The following TFG variants were observed in gnomAD, a reference collection of about 807,000 sequenced individuals.
The protein encoded by TFG is trafficking from ER to golgi regulator.
In TFG, 22 loss-of-function variants were observed where a neutral mutation model predicts 51.4. The observed-to-expected ratio is 0.43, with a 90% CI of 0.31 to 0.61. The LOEUF is 0.61. Among genes scored for constraint, TFG ranks in the 20% least tolerant of loss-of-function variants. The pLI is 0.12. For missense variants in TFG, 419 were observed against 487.7 expected (o/e 0.86, Z 1.33); for synonymous variants, 187 against 165.6 (o/e 1.13, Z -0.99).
At chr3:100,724,045 G>A (rs1161698021) in intron 3 of TFG, among the ~76,000 whole-genome samples, 1 of 151,954 alleles carries the variant, frequency 6.6e-6, no homozygotes. Context: ...AATAATAATG[G>A]GAATTATAAA....
intron 7 of TFG, among the ~76,000 whole-genome samples, chr3:100,745,673 G>C (rs1325064810): frequency 6.6e-6 from 1 of 152,154 alleles, no homozygotes; most frequent in African/African-American, 2.4e-5. Flanking sequence ...AATTTCAACT[G>C]TAATTAGAAA....
chr3:100,732,705 G>A (rs372931217), intron 5 of TFG, 33 bp downstream of exon 5: 90 of 1,531,674 alleles, frequency 5.9e-5, no homozygotes, highest in Middle Eastern at 3.5e-4. Flanking sequence ...TACACCCTTC[G>A]TTTCCTTCAT....
At position 100,748,255 on chromosome 3, in the gene TFG, A is replaced by G. The variant is rs1480523112; in HGVS notation, c.927A>G (p.Gln309=). The G allele has an allele frequency of 1.2e-6, 2 of 1,614,114 alleles. No homozygotes were observed. Among genetic ancestry groups the G allele is most frequent in the Admixed American group, 1.7e-5 (1 of 60,006 alleles). ...CTCCTGCCTTTTCTGGTCAGCCTCA[A>G]CAACTGCCTGCTCAGCCGCCACAGC... The part of the protein sequence containing the change: ...APAPAFSGQP[Q]QLPAQPPQQY... The change falls in exon 8 of 8, where the codon CAA becomes CAG. Residue 309 remains glutamine, a synonymous_variant. Transcript: ENST00000240851.
intron 5 of TFG, among the ~76,000 whole-genome samples, chr3:100,735,416 C>A (rs1360843522): frequency 1.3e-5 from 2 of 152,154 alleles, no homozygotes; most frequent in African/African-American, 4.8e-5. Flanking sequence ...TGTATAATTC[C>A]TTTTATAAGC....
chr3:100,728,650 ATAT>A, intron 3 of TFG, 59 bp from the exon 4 acceptor site: 3 of 1,264,364 alleles, frequency 2.4e-6, no homozygotes, highest in Non-Finnish European at 3.2e-6. Context: ...TCCTTGTTGC[ATAT>A]TATTAGTATA....
intron 3 of TFG, 99 bp from the exon 4 acceptor site, chr3:100,728,613 T>A (rs2095082517): frequency 9.1e-7 from 1 of 1,095,238 alleles, no homozygotes; most frequent in South Asian, 1.9e-5. Flanking sequence ...CTTGTTTTTG[T>A]TTTTTTAAAG....
chr3:100,711,247 C>T (rs1455138188), intron 1 of TFG, among the ~76,000 whole-genome samples: 1 of 152,054 alleles, frequency 6.6e-6, no homozygotes, highest in South Asian at 2.1e-4. Flanking sequence ...GGATTACAGG[C>T]GTGCGCCACG....
chr3:100,714,707 C>T (rs1037809687), intron 2 of TFG, among the ~76,000 whole-genome samples: 5 of 152,122 alleles, frequency 3.3e-5, no homozygotes, highest in African/African-American at 1.2e-4. Context: ...TTATGGTCAA[C>T]TAAGTAAGGG....
chr3:100,732,778 A>G (rs1480921532), intron 5 of TFG, 106 bp downstream of exon 5: 9 of 990,840 alleles, frequency 9.1e-6, no homozygotes, highest in Non-Finnish European at 1.3e-5. Context: ...GGTGAAGTGC[A>G]CAAATCTTAA....
At chr3:100,714,953 T>C (rs7653531) in intron 2 of TFG, among the ~76,000 whole-genome samples, 63,318 of 152,026 alleles carry the variant, frequency 0.42, 13,594 homozygotes, top group African/African-American at 0.49. Context: ...TCTTTGTTAA[T>C]ATCTCTGCTG....
At chr3:100,722,571 G>T (rs2095063811) in intron 3 of TFG, among the ~76,000 whole-genome samples, 1 of 152,150 alleles carries the variant, frequency 6.6e-6, no homozygotes, top group Non-Finnish European at 1.5e-5. Flanking sequence ...AATCCCCACT[G>T]GACATATTGT....
At chr3:100,716,944 A>T (rs1211915051) in intron 2 of TFG, among the ~76,000 whole-genome samples, 1 of 152,136 alleles carries the variant, frequency 6.6e-6, no homozygotes, top group East Asian at 1.9e-4. Context: ...CTGAATATTC[A>T]TCCTCTGCCA....
chr3:100,741,184 C>A (rs564751750), intron 6 of TFG, among the ~76,000 whole-genome samples: 1 of 152,002 alleles, frequency 6.6e-6, no homozygotes, highest in South Asian at 2.1e-4. Flanking sequence ...AAAAACAAAG[C>A]TGTAGAACCA....
chr3:100,713,670 C>T lies in TFG; in HGVS notation c.-16C>T, dbSNP rs2095037212. ...TTTCTCTAGAGTTGTATATATAGAA[C>T]ATCCTGGAGTCCACCATGAACGGAC... On this transcript the variant is annotated 5_prime_UTR_variant, in exon 2 of 8. Coordinates refer to ENST00000240851, the MANE Select transcript of TFG (RefSeq NM_006070.6). 6.4e-7 allele frequency: 1 copy of T among 1,560,084 alleles called. No homozygotes were observed. The highest frequency in any genetic ancestry group is 1.4e-5 in the African/African-American group (1 of 73,452).
At chr3:100,745,852 TACTTGGGC>T in intron 7 of TFG, among the ~76,000 whole-genome samples, 1 of 152,324 alleles carries the variant, frequency 6.6e-6, no homozygotes, top group African/African-American at 2.4e-5. Context: ...TCTCTACTGC[TACTTGGGC>T]ACTAGAATGG....
intron 2 of TFG, among the ~76,000 whole-genome samples, chr3:100,719,384 T>C (rs1190710659): frequency 6.6e-6 from 1 of 152,248 alleles, no homozygotes; most frequent in Admixed American, 6.5e-5. Context: ...TATAGCATTC[T>C]TTATCCCTGA....
intron 6 of TFG, among the ~76,000 whole-genome samples, chr3:100,740,189 C>T (rs1243570842): frequency 6.6e-6 from 1 of 151,620 alleles, no homozygotes; most frequent in Admixed American, 6.6e-5. Context: ...TAACTATTAT[C>T]CCAAAACATA....
intron 6 of TFG, among the ~76,000 whole-genome samples, chr3:100,741,030 C>G (rs1437393342): frequency 6.6e-6 from 1 of 152,114 alleles, no homozygotes; most frequent in Non-Finnish European, 1.5e-5. Flanking sequence ...AACAGACTTA[C>G]TGCCAGTCAT....
chr3:100,718,035 G>A, intron 2 of TFG, among the ~76,000 whole-genome samples: 1 of 151,830 alleles, frequency 6.6e-6, no homozygotes, highest in East Asian at 1.9e-4. Flanking sequence ...AGCAGTCCTT[G>A]CAACTCAGCC....
Sources: gnomAD v4.1 joint callset for allele counts (sites outside exome capture counted in the v4.1 genomes callset) on GRCh38, gnomAD v4.1.1 for gene constraint, MANE v1.5 for transcripts, NCBI Gene and HGNC (gene_info 2026-07-23, HGNC 2026-07-21) for gene names.